Variants in STK32B observed in about 807,000 individuals in gnomAD.
STK32B encodes the protein serine/threonine kinase 32B.
STK32B carries 43 observed loss-of-function variants against 52.6 expected under a neutral mutation model. That is an observed-to-expected ratio of 0.82 (90% confidence interval 0.64 to 1.05). The LOEUF is 1.05. Among genes scored for constraint, STK32B ranks in the 50% least tolerant of loss-of-function variants. STK32B has a pLI of 0.00. For synonymous variants in STK32B, 238 were observed against 204.3 expected, an observed-to-expected ratio of 1.17 and a Z score of -1.41; for missense variants, 621 against 534.6, an observed-to-expected ratio of 1.16 and a Z score of -1.59.
At chr4:5,497,722 ACT>A (rs900941550) in intron 11 of STK32B, among the ~76,000 whole-genome samples, 11 of 146,438 alleles carry the variant, frequency 7.5e-5, no homozygotes, top group Non-Finnish European at 1.7e-4. Context: ...ACACACACAC[ACT>A]CATACACACA....
intron 3 of STK32B, among the ~76,000 whole-genome samples, chr4:5,172,343 A>G (rs994373158): frequency 8.5e-4 from 129 of 152,240 alleles, no homozygotes; most frequent in African/African-American, 3.0e-3. Flanking sequence ...CTCCAACACT[A>G]TGTTGAATAG....
chr4:5,213,915 G>A (rs1577200964), intron 3 of STK32B, among the ~76,000 whole-genome samples: 1 of 152,130 alleles, frequency 6.6e-6, no homozygotes, highest in Non-Finnish European at 1.5e-5. Flanking sequence ...TGTCTGCTTT[G>A]AAAAACCGCT....
chr4:5,294,865 C>T (rs1205229571), intron 3 of STK32B, among the ~76,000 whole-genome samples: 3 of 152,004 alleles, frequency 2.0e-5, no homozygotes, highest in Admixed American at 6.6e-5. Context: ...TTCAAAGGGA[C>T]TACTTCCAGT....
chr4:5,303,006 G>GTA (rs1349653987), intron 3 of STK32B, among the ~76,000 whole-genome samples: 1 of 151,692 alleles, frequency 6.6e-6, no homozygotes. Flanking sequence ...GTTTGTGTGT[G>GTA]TATATATATG....
At chr4:5,258,171 G>A (rs1467007922) in intron 3 of STK32B, among the ~76,000 whole-genome samples, 1 of 152,152 alleles carries the variant, frequency 6.6e-6, no homozygotes, top group Non-Finnish European at 1.5e-5. Context: ...TATTAGTGTT[G>A]TGAGGATCAA....
chr4:5,323,061 G>A (rs1731623781), intron 3 of STK32B, among the ~76,000 whole-genome samples: 1 of 152,256 alleles, frequency 6.6e-6, no homozygotes, highest in African/African-American at 2.4e-5. Context: ...ACGGTTAGTT[G>A]GGACAAGTGT....
chr4:5,154,187 G>A (rs1717602059), intron 2 of STK32B, among the ~76,000 whole-genome samples: 1 of 150,966 alleles, frequency 6.6e-6, no homozygotes, highest in African/African-American at 2.4e-5. Context: ...TGGCTGGATG[G>A]CCTTTTTCAA....
chr4:5,241,150 A>G (rs186031094), intron 3 of STK32B, among the ~76,000 whole-genome samples: 7 of 152,242 alleles, frequency 4.6e-5, no homozygotes, highest in Admixed American at 2.0e-4. Flanking sequence ...CCAGCTCTGC[A>G]TATCTGTGGC....
chr4:5,386,741 C>T lies in STK32B; in HGVS notation c.435-11466C>T, dbSNP rs994430016. On this transcript the variant is annotated intron_variant, in intron 4 of 11. Coordinates refer to ENST00000282908, the MANE Select transcript of STK32B (RefSeq NM_018401.3). This position sits in a 1 kb window ranked among gnomAD's most constrained non-coding sequence, Gnocchi z 4.5. ...TACTTAACTCATCTAAACGTAGGTC[C>T]CCTCATCTGGAAAATGACCAGGTCG... is the stretch of plus-strand genomic sequence containing the variant. Among the ~76,000 whole-genome samples the T allele has an allele frequency of 5.3e-5, 8 of 152,188 alleles. No individual in the cohort carries two copies.
At chr4:5,494,569 A>T (rs1720050208) in intron 11 of STK32B, among the ~76,000 whole-genome samples, 1 of 152,104 alleles carries the variant, frequency 6.6e-6, no homozygotes, top group Admixed American at 6.6e-5. Context: ...CATTTAGCCC[A>T]TTTACATTTA....
intron 4 of STK32B, among the ~76,000 whole-genome samples, chr4:5,358,256 G>A (rs2108994698): frequency 6.6e-6 from 1 of 152,322 alleles, no homozygotes; most frequent in African/African-American, 2.4e-5. Flanking sequence ...TAACGTCAGA[G>A]AAACTGGAAT....
At chr4:5,087,367 A>G (rs898100878) in intron 1 of STK32B, among the ~76,000 whole-genome samples, 2 of 151,996 alleles carry the variant, frequency 1.3e-5, no homozygotes, top group African/African-American at 4.8e-5. Flanking sequence ...AACAAAAAGA[A>G]GGCAGTAATA....
rs77437926 is a variant in STK32B, at chr4:5,445,368, C to T, written c.563-1305C>T. Among the ~76,000 whole-genome samples the T allele has an allele frequency of 9.2e-3, 1,394 of 152,204 alleles. 29 individuals carry two copies. The highest frequency in any genetic ancestry group is 0.031 in the African/African-American group (1,301 of 41,514). ...TTAATCACAACAGTATGTGGCTCCC[C>T]GGGGCAGATTTCGGCTGCTCTGACA... is the stretch of plus-strand genomic sequence containing the variant. On this transcript the variant is annotated intron_variant, in intron 6 of 11. Transcript: ENST00000282908.
At chr4:5,305,356 T>G (rs892210807) in intron 3 of STK32B, among the ~76,000 whole-genome samples, 1 of 152,146 alleles carries the variant, frequency 6.6e-6, no homozygotes, top group African/African-American at 2.4e-5. Flanking sequence ...AATTACCATT[T>G]CAATCTCACT....
chr4:5,159,656 T>TATATGA (rs1718236087), intron 2 of STK32B, among the ~76,000 whole-genome samples: 2 of 92,550 alleles, frequency 2.2e-5, no homozygotes, highest in African/African-American at 1.3e-4. Flanking sequence ...TATATGAATA[T>TATATGA]ATATATGAAT....
At position 5,185,636 on chromosome 4, in the gene STK32B, A is replaced by G. The variant is rs117935682; in HGVS notation, c.260+17186A>G. On this transcript the variant is annotated intron_variant, in intron 3 of 11. Transcript: ENST00000282908. The stretch of plus-strand genomic sequence containing the variant: ...CAATTGCTAGATGCTGAGCAGTGTC[A>G]TTTCCACAGAAGCAATTGTCCCTAG... Among the ~76,000 whole-genome samples the G allele has an allele frequency of 7.2e-5, 11 of 152,298 alleles. No individual in the cohort carries two copies. The East Asian group carries it at 2.1e-3, about 29-fold the overall frequency.
chr4:5,294,227 C>T (rs1033253749), intron 3 of STK32B, among the ~76,000 whole-genome samples: 9 of 152,110 alleles, frequency 5.9e-5, no homozygotes, highest in South Asian at 2.1e-4. Context: ...AGCATGATGC[C>T]TCCAGCTTTG....
At chr4:5,086,492 C>T (rs1712737722) in intron 1 of STK32B, among the ~76,000 whole-genome samples, 1 of 151,874 alleles carries the variant, frequency 6.6e-6, no homozygotes, top group Non-Finnish European at 1.5e-5. Context: ...AGTGTAGCAA[C>T]CATAATGGCA....
chr4:5,483,589 C>G (rs994574782), intron 11 of STK32B, among the ~76,000 whole-genome samples: 2 of 152,254 alleles, frequency 1.3e-5, no homozygotes, highest in Non-Finnish European at 2.9e-5. Context: ...CTATTTCCTT[C>G]AGTTCTGCTC....
Sources: allele counts gnomAD v4.1 joint callset (sites outside exome capture counted in the v4.1 genomes callset), GRCh38; gene constraint gnomAD v4.1.1; non-coding constraint Gnocchi (gnomAD v3.1); transcripts MANE v1.5; gene names NCBI Gene and HGNC (gene_info 2026-07-23, HGNC 2026-07-21).